The following THSD7B variants were observed in gnomAD, a reference collection of about 807,000 sequenced individuals.
THSD7B encodes the protein thrombospondin type-1 domain-containing protein 7B.
THSD7B carries 138 observed loss-of-function variants against 213.6 expected under a neutral mutation model. The ratio of observed to expected loss-of-function variants is 0.65; its 90% CI spans 0.56 to 0.74. THSD7B has a LOEUF of 0.74. Among genes scored for constraint, THSD7B ranks in the 30% least tolerant of loss-of-function variants. The pLI is 0.00. For missense variants in THSD7B, 1,931 were observed against 1,991.5 expected (o/e 0.97, Z 0.58); for synonymous variants, 742 against 687.0 (o/e 1.08, Z -1.25).
chr2:137,257,750 G>A (rs965809915), intron 10 of THSD7B, among the ~76,000 whole-genome samples: 18 of 152,170 alleles, frequency 1.2e-4, no homozygotes, highest in African/African-American at 4.3e-4. Flanking sequence ...CATTAACTCA[G>A]ATTATTTTAT....
Position 136,785,985 on chromosome 2 carries a change from G to GA in THSD7B, c.-36+20304dup, listed in dbSNP as rs1363345079. On this transcript the variant is annotated intron_variant, in intron 1 of 27. Transcript: ENST00000409968. ...CCTTCCCTGCTATAGTTTAGAGACA[G>GA]AAAAAAGTTTAACTGACACACAAGG... Among the ~76,000 whole-genome samples the GA allele has an allele frequency of 2.6e-5, 4 of 152,276 alleles. No individual in the cohort carries two copies. The East Asian group carries it at 7.7e-4, about 29-fold the overall frequency.
At chr2:137,244,631 G>A (rs556418248) in intron 10 of THSD7B, among the ~76,000 whole-genome samples, 1 of 152,074 alleles carries the variant, frequency 6.6e-6, no homozygotes. Context: ...TTAAATCATT[G>A]GCATTGTAAT....
At chr2:137,118,819 A>C (rs538600207) in intron 5 of THSD7B, among the ~76,000 whole-genome samples, 37 of 152,286 alleles carry the variant, frequency 2.4e-4, no homozygotes, top group African/African-American at 8.9e-4. Flanking sequence ...AAAGAGGTTT[A>C]ATGAACTCAC....
intron 17 of THSD7B, among the ~76,000 whole-genome samples, chr2:137,595,054 T>C (rs1167950517): frequency 6.6e-6 from 1 of 152,008 alleles, no homozygotes; most frequent in African/African-American, 2.4e-5. Context: ...ATTAACCTTA[T>C]ATGGCACTAC....
At chr2:136,906,942 T>TTTTG (rs1428060743) in intron 2 of THSD7B, among the ~76,000 whole-genome samples, 1 of 120,950 alleles carries the variant, frequency 8.3e-6, no homozygotes, top group Non-Finnish European at 1.7e-5. Context: ...CAAGGTTTTT[T>TTTTG]TTTTTTTTTT....
chr2:137,222,517 C>T (rs1222027129), intron 7 of THSD7B, among the ~76,000 whole-genome samples: 1 of 152,054 alleles, frequency 6.6e-6, no homozygotes, highest in African/African-American at 2.4e-5. Flanking sequence ...ACAAGGTTTC[C>T]ATATTAAGTA....
chr2:137,108,826 T>A (rs1688298786), intron 4 of THSD7B, among the ~76,000 whole-genome samples: 1 of 152,122 alleles, frequency 6.6e-6, no homozygotes, highest in Non-Finnish European at 1.5e-5. Context: ...CATGGGGGGA[T>A]AAAAGTTCAG....
intron 2 of THSD7B, among the ~76,000 whole-genome samples, chr2:136,901,163 T>C (rs140570814): frequency 0.018 from 2,816 of 152,350 alleles, 47 homozygotes; most frequent in Middle Eastern, 0.031. Flanking sequence ...TCCTTAAATC[T>C]TAAGTTTCTG....
intron 27 of THSD7B, among the ~76,000 whole-genome samples, chr2:137,670,937 A>AGG (rs1683558411): frequency 5.3e-5 from 8 of 151,268 alleles, no homozygotes; most frequent in Non-Finnish European, 1.2e-4. Context: ...AAAAAAAAAA[A>AGG]AAAAAAAAAA....
intron 7 of THSD7B, among the ~76,000 whole-genome samples, chr2:137,224,318 A>G (rs1233816844): frequency 3.3e-5 from 5 of 152,202 alleles, no homozygotes; most frequent in African/African-American, 9.6e-5. Context: ...GAGAGAGAAT[A>G]GAACGCTTGA....
intron 2 of THSD7B, among the ~76,000 whole-genome samples, chr2:137,006,211 G>A (rs1020982037): frequency 1.3e-5 from 2 of 152,024 alleles, no homozygotes. Flanking sequence ...GGCTAACACG[G>A]TGAAACCCCG....
intron 15 of THSD7B, among the ~76,000 whole-genome samples, chr2:137,498,942 G>T (rs1679637640): frequency 6.6e-6 from 1 of 152,132 alleles, no homozygotes; most frequent in South Asian, 2.1e-4. Flanking sequence ...ATGGATATGG[G>T]CATTGTCACC....
chr2:137,583,584 A>G (rs1381204866), intron 17 of THSD7B, among the ~76,000 whole-genome samples: 7 of 152,208 alleles, frequency 4.6e-5, no homozygotes, highest in Non-Finnish European at 8.8e-5. Flanking sequence ...AGCACCATTT[A>G]TTAAATAGGG....
chr2:136,865,006 T>C (rs920826574), intron 1 of THSD7B, among the ~76,000 whole-genome samples: 3 of 152,260 alleles, frequency 2.0e-5, no homozygotes, highest in African/African-American at 2.4e-5. Flanking sequence ...AGTTCTGATA[T>C]GAATTCTTTT....
At chr2:137,135,615 GCT>G (rs1185729086) in intron 5 of THSD7B, among the ~76,000 whole-genome samples, 1 of 152,080 alleles carries the variant, frequency 6.6e-6, no homozygotes, top group Non-Finnish European at 1.5e-5. Context: ...GTCTAGCTCA[GCT>G]CTCTATGTCT....
chr2:137,585,126 A>G (rs1046054198), intron 17 of THSD7B, among the ~76,000 whole-genome samples: 5 of 152,260 alleles, frequency 3.3e-5, no homozygotes, highest in African/African-American at 1.2e-4. Context: ...TTATTTGCAT[A>G]GAGGTGTTTA....
chr2:136,858,479 C>G (rs999870268), intron 1 of THSD7B, among the ~76,000 whole-genome samples: 1 of 152,194 alleles, frequency 6.6e-6, no homozygotes, highest in African/African-American at 2.4e-5. Context: ...CATCCTTGGG[C>G]ATCCTGTGAA....
rs115557402 is a variant in THSD7B at position 137,099,384 on chromosome 2, A to G, written c.1199+4263A>G. ...ACTGCAGGATAAGGCAGTACTGTTTAGTAGATGGGGTAAAGAAAGACAAAG... is the reference window on the plus strand; with the variant it reads ...ACTGCAGGATAAGGCAGTACTGTTTGGTAGATGGGGTAAAGAAAGACAAAG... On this transcript the variant is annotated intron_variant, in intron 4 of 27. Coordinates refer to ENST00000409968, the MANE Select transcript of THSD7B (RefSeq NM_001316349.2). Among the ~76,000 whole-genome samples the G allele has an allele frequency of 4.6e-3, 702 of 152,308 alleles. 3 individuals carry two copies. The highest frequency in any genetic ancestry group is 7.8e-3 in the Admixed American group (120 of 15,292).
At chr2:136,920,999 A>G (rs2105034313) in intron 2 of THSD7B, among the ~76,000 whole-genome samples, 1 of 152,156 alleles carries the variant, frequency 6.6e-6, no homozygotes, top group African/African-American at 2.4e-5. Context: ...TGGGCCCCTG[A>G]GAGCCCAGGG....
Sources: allele counts gnomAD v4.1 joint callset (sites outside exome capture counted in the v4.1 genomes callset), GRCh38; gene constraint gnomAD v4.1.1; transcripts MANE v1.5; gene names NCBI Gene and HGNC (gene_info 2026-07-23, HGNC 2026-07-21).